SLCO1C1: variants seen among roughly 807,000 people sequenced by gnomAD.
SLCO1C1 encodes solute carrier organic anion transporter family member 1C1, also known as OAT-RP-5.
In SLCO1C1, 70 loss-of-function variants were observed where a neutral mutation model predicts 76.4. The ratio of observed to expected loss-of-function variants is 0.92; its 90% CI spans 0.76 to 1.12. SLCO1C1 has a LOEUF of 1.12. SLCO1C1 is among the 50% of genes most tolerant of loss of function. The pLI, the probability that SLCO1C1 is intolerant of heterozygous loss-of-function variation, is 0.00. For missense variants in SLCO1C1, 912 were observed against 823.8 expected (o/e 1.11, Z -1.31); for synonymous variants, 306 against 286.1 (o/e 1.07, Z -0.70).
rs1357281707 is a variant in SLCO1C1, at chr12:20,703,939, G to A, written c.272-2010G>A. The stretch of plus-strand genomic sequence containing the variant: ...AATTGAGTAGCTTTCTTTTTTTTCT[G>A]TTATCTCGAGTGTGTCTGTGTGTGT... On this transcript the variant is annotated intron_variant, in intron 3 of 14. Transcript: ENST00000266509. 2.1e-5 allele frequency among the ~76,000 whole-genome samples: 3 copies of A among 141,984 alleles called. No individual in the cohort carries two copies. The South Asian group carries it at 7.0e-4, about 33-fold the overall frequency. The allele number at this position is 141,984 out of a possible 152,430, so 93.1% of individuals were successfully genotyped here.
At chr12:20,746,317 G>T (rs1949041111) in intron 13 of SLCO1C1, among the ~76,000 whole-genome samples, 1 of 151,690 alleles carries the variant, frequency 6.6e-6, no homozygotes, top group Non-Finnish European at 1.5e-5. Flanking sequence ...AGAATATCAG[G>T]ACATCAAGTC....
intron 13 of SLCO1C1, among the ~76,000 whole-genome samples, chr12:20,748,500 A>T (rs1949149600): frequency 1.3e-5 from 2 of 152,132 alleles, no homozygotes; most frequent in Admixed American, 6.5e-5. Flanking sequence ...TACCATTCTC[A>T]CACTTCAGAA....
At chr12:20,710,193 T>C (rs1433703823) in intron 4 of SLCO1C1, among the ~76,000 whole-genome samples, 2 of 145,920 alleles carry the variant, frequency 1.4e-5, no homozygotes, top group African/African-American at 5.3e-5. Context: ...AACAGTTCTC[T>C]ACTTTTCTTT....
At chr12:20,710,528 G>A (rs1947036941) in intron 4 of SLCO1C1, among the ~76,000 whole-genome samples, 1 of 152,064 alleles carries the variant, frequency 6.6e-6, no homozygotes, top group African/African-American at 2.4e-5. Flanking sequence ...GAGTGCAAGA[G>A]TAGAGCCGGG....
chr12:20,735,783 C>T (rs1454795224), intron 10 of SLCO1C1, among the ~76,000 whole-genome samples: 1 of 152,046 alleles, frequency 6.6e-6, no homozygotes, highest in Non-Finnish European at 1.5e-5. Context: ...GGCAGAGGCT[C>T]AAGTGATTAA....
At chr12:20,744,298 C>G (rs908264346) in intron 13 of SLCO1C1, among the ~76,000 whole-genome samples, 1 of 151,992 alleles carries the variant, frequency 6.6e-6, no homozygotes, top group Non-Finnish European at 1.5e-5. Context: ...ATGGAGCCTA[C>G]AGAGCAAAAA....
Position 20,699,700 on chromosome 12 carries a change from C to A in SLCO1C1, c.124C>A (p.Leu42Ile). ...AGAAAAGCAACCATGCTGTGGTGAA[C>A]TAAAGGTAGAGCAACCAAGAAGTAA... ...SEEKQPCCGELKVFLCALSFV... is the reference protein window; with the variant it reads ...SEEKQPCCGEIKVFLCALSFV... Residue 42 changes from leucine to isoleucine, a missense_variant, in exon 2 of 15, where the codon CTA (leucine) becomes ATA (isoleucine). By Grantham distance (5) the Leu-to-Ile change is conservative (BLOSUM62 2). Coordinates refer to ENST00000266509, the MANE Select transcript of SLCO1C1 (RefSeq NM_017435.5). The A allele has an allele frequency of 6.2e-7, 1 of 1,608,052 alleles. No individual in the cohort carries two copies. The highest frequency in any genetic ancestry group is 1.1e-5 in the South Asian group (1 of 90,126).
rs547350277 is a variant in SLCO1C1, at chr12:20,734,187, T to A, written c.1382+1083T>A. On this transcript the variant is annotated intron_variant, in intron 10 of 14. Transcript: ENST00000266509. ...TCTTGTCTCTATGTTCCAACTTCCA[T>A]CACCTTTATTAACCTGGTTTCATCT... Among the ~76,000 whole-genome samples, 7 of 152,298 alleles carry A rather than the reference T, an allele frequency of 4.6e-5. No homozygotes were observed. In the South Asian group the frequency reaches 1.0e-3, roughly 23 times the overall value.
rs563314218 is a variant in SLCO1C1 at position 20,723,466 on chromosome 12, A to G, written c.1186+212A>G. 3.3e-5 allele frequency among the ~76,000 whole-genome samples: 5 copies of G among 152,332 alleles called. No individual in the cohort carries two copies. The South Asian group carries it at 6.2e-4, about 19-fold the overall frequency. The stretch of plus-strand genomic sequence containing the variant: ...AGCAGTTCTTGAAGTGATATCATAG[A>G]GATGAAACATGCATTTTATGAGGAG... On this transcript the variant is annotated intron_variant, in intron 9 of 14. Transcript: ENST00000266509.
chr12:20,734,575 T>C (rs146040750), intron 10 of SLCO1C1, among the ~76,000 whole-genome samples: 6 of 152,280 alleles, frequency 3.9e-5, no homozygotes, highest in African/African-American at 1.4e-4. Context: ...TTGTTATCCT[T>C]GTTTAAAAGA....
At chr12:20,704,117 A>G (rs1946665120) in intron 3 of SLCO1C1, among the ~76,000 whole-genome samples, 1 of 151,408 alleles carries the variant, frequency 6.6e-6, no homozygotes, top group African/African-American at 2.4e-5. Context: ...AATAATTTTT[A>G]TATCCAATTT....
chr12:20,749,173 CATAA>C (rs1949179761), intron 13 of SLCO1C1, among the ~76,000 whole-genome samples: 1 of 152,130 alleles, frequency 6.6e-6, no homozygotes, highest in South Asian at 2.1e-4. Flanking sequence ...TTAGAAGTGT[CATAA>C]ATATTCTTAG....
chr12:20,699,407 G>T, intron 1 of SLCO1C1, 145 bp from the exon 2 acceptor site: 1 of 631,624 alleles, frequency 1.6e-6, no homozygotes, highest in Non-Finnish European at 2.5e-6. Flanking sequence ...GATTTTAATT[G>T]AAAACATTTG....
intron 9 of SLCO1C1, among the ~76,000 whole-genome samples, chr12:20,724,417 A>G (rs1329112750): frequency 4.0e-4 from 32 of 79,724 alleles, no homozygotes; most frequent in African/African-American, 1.2e-3. Flanking sequence ...GTGTGTATAT[A>G]TATATATATA....
chr12:20,752,229 A>G, intron 14 of SLCO1C1, 77 bp from the exon 15 acceptor site: 3 of 925,014 alleles, frequency 3.2e-6, no homozygotes, highest in Non-Finnish European at 4.7e-6. Context: ...AACCATCAGT[A>G]TGATATTATT....
chr12:20,696,687 T>C (rs908684911), intron 1 of SLCO1C1: 1 of 152,112 alleles, frequency 6.6e-6, no homozygotes, highest in African/African-American at 2.4e-5. Context: ...CAGAGATCAA[T>C]TAAGGATTTG....
chr12:20,698,453 A>G (rs1420352866), intron 1 of SLCO1C1, among the ~76,000 whole-genome samples: 1 of 152,036 alleles, frequency 6.6e-6, no homozygotes, highest in Non-Finnish European at 1.5e-5. Context: ...TTTTAACTTC[A>G]TATTATTAAT....
At chr12:20,726,914 T>C (rs912779743) in intron 9 of SLCO1C1, among the ~76,000 whole-genome samples, 3 of 152,176 alleles carry the variant, frequency 2.0e-5, no homozygotes, top group Non-Finnish European at 2.9e-5. Context: ...TTTATGTCCA[T>C]GTGTATCCAA....
intron 14 of SLCO1C1, 104 bp downstream of exon 14, chr12:20,750,896 G>A: frequency 6.2e-7 from 1 of 1,606,190 alleles, no homozygotes; most frequent in Non-Finnish European, 8.5e-7. Flanking sequence ...TGCTTGTAAG[G>A]TAAAGAATAG....
Sources: gnomAD v4.1 joint callset for allele counts (sites outside exome capture counted in the v4.1 genomes callset) on GRCh38, gnomAD v4.1.1 for gene constraint, MANE v1.5 for transcripts, NCBI Gene and HGNC (gene_info 2026-07-23, HGNC 2026-07-21) for gene names.